Variants in ARMH4 observed in about 807,000 individuals in gnomAD.
ARMH4 encodes armadillo like helical domain containing 4.
ARMH4 carries 49 observed loss-of-function variants against 61.9 expected under a neutral mutation model. The observed-to-expected ratio is 0.79, with a 90% confidence interval of 0.63 to 1.00. The LOEUF (loss-of-function observed/expected upper bound fraction) is 1.00. ARMH4 is among the 50% of genes least tolerant of loss of function. The pLI is 0.00. For missense variants in ARMH4, 934 were observed against 930.0 expected, an observed-to-expected ratio of 1.00 and a Z score of -0.06; for synonymous variants, 368 against 341.5, an observed-to-expected ratio of 1.08 and a Z score of -0.85.
chr14:58,101,427 G>A (rs565040064), intron 4 of ARMH4: 1 of 152,390 alleles, frequency 6.6e-6, no homozygotes, highest in East Asian at 1.9e-4. Context: ...GATTTTCACA[G>A]AAGTGATGAG....
At position 58,127,592 on chromosome 14, in the gene ARMH4, T is replaced by C. The variant is rs147075270; in HGVS notation, c.1831+3920A>G. Among the ~76,000 whole-genome samples the C allele has an allele frequency of 2.7e-3, 405 of 152,308 alleles. 1 individual carries two copies. The Middle Eastern group carries it at 0.031, about 12-fold the overall frequency. ...GGGTTGAGACAATATCATGGGATTA[T>C]ACGCAACACTCAACATGCATGCCCA... On this transcript the variant is annotated intron_variant, in intron 4 of 7. Transcript: ENST00000267485.
At chr14:58,017,522 C>A (rs1882658849) in intron 5 of ARMH4, among the ~76,000 whole-genome samples, 1 of 151,768 alleles carries the variant, frequency 6.6e-6, no homozygotes, top group Non-Finnish European at 1.5e-5. Context: ...ATCAAGAAAA[C>A]AATTCCATTC....
In ARMH4 at chr14:58,044,269, A is replaced by G. The variant is rs534462115; in HGVS notation, c.2090-32119T>C. On this transcript the variant is annotated intron_variant, in intron 5 of 7. Coordinates refer to ENST00000267485, the MANE Select transcript of ARMH4 (RefSeq NM_001001872.4). ...ACGGTACTGGTACCAAAACAGAGAT[A>G]TAGACCAATGGAACAGAATAGAGCC... Among the ~76,000 whole-genome samples the G allele has an allele frequency of 6.0e-3, 916 of 152,358 alleles. 6 individuals carry two copies. The highest frequency in any genetic ancestry group is 1.0e-2 in the Non-Finnish European group (677 of 68,028).
chr14:58,012,396 T>TC (rs1239105452), intron 5 of ARMH4, among the ~76,000 whole-genome samples: 1 of 152,204 alleles, frequency 6.6e-6, no homozygotes, highest in African/African-American at 2.4e-5. Flanking sequence ...AAATGTTTTT[T>TC]CTATTATTAT....
chr14:58,104,168 A>G (rs1329001910), intron 4 of ARMH4, among the ~76,000 whole-genome samples: 1 of 152,164 alleles, frequency 6.6e-6, no homozygotes, highest in Non-Finnish European at 1.5e-5. Flanking sequence ...CTCTGCCCTG[A>G]AATGTCCAAC....
intron 5 of ARMH4, among the ~76,000 whole-genome samples, chr14:58,076,714 G>T (rs957108769): frequency 2.0e-5 from 3 of 152,142 alleles, no homozygotes; most frequent in African/African-American, 7.2e-5. Flanking sequence ...AAAGGTGGTA[G>T]GAACTTGATC....
intron 1 of ARMH4, chr14:58,141,558 G>C: frequency 1.9e-6 from 1 of 513,250 alleles, no homozygotes; most frequent in South Asian, 1.5e-5. Flanking sequence ...ACTGCGACGA[G>C]ATGATCTGCT....
intron 5 of ARMH4, among the ~76,000 whole-genome samples, chr14:58,030,887 C>T (rs1019905483): frequency 1.3e-5 from 2 of 152,158 alleles, no homozygotes; most frequent in East Asian, 3.9e-4. Context: ...AATGGACACT[C>T]GGGGTACCTC....
intron 5 of ARMH4, among the ~76,000 whole-genome samples, chr14:58,053,291 T>C (rs2141203229): frequency 6.6e-6 from 1 of 152,348 alleles, no homozygotes; most frequent in African/African-American, 2.4e-5. Context: ...TTATGTGCCA[T>C]TCCATGGCAC....
chr14:58,138,624 A>AT lies in ARMH4; in HGVS notation c.734_735insA (p.Ser245ArgfsTer2). On this transcript the variant is annotated frameshift_variant, in exon 2 of 8. Coordinates refer to ENST00000267485, the MANE Select transcript of ARMH4 (RefSeq NM_001001872.4). LOFTEE classifies it high-confidence loss of function. ...TATCAGGGGTGAGGCTTCCAGGCTC[A>AT]CTGCCTGCTGTGGACTCAGCACCAG... The AT allele has an allele frequency of 1.9e-6, 3 of 1,614,178 alleles. No homozygotes were observed. The highest frequency in any genetic ancestry group is 2.5e-6 in the Non-Finnish European group (3 of 1,180,022).
chr14:58,112,931 T>C (rs981882008), intron 4 of ARMH4, among the ~76,000 whole-genome samples: 3 of 152,226 alleles, frequency 2.0e-5, no homozygotes, highest in African/African-American at 7.2e-5. Flanking sequence ...TTTGTCTTCA[T>C]TGTTCTTTCA....
At chr14:58,119,610 C>T (rs559716725) in intron 4 of ARMH4, among the ~76,000 whole-genome samples, 23 of 152,266 alleles carry the variant, frequency 1.5e-4, no homozygotes, top group Admixed American at 9.2e-4. Flanking sequence ...GGAGTCTGTG[C>T]CCAGATTAAA....
rs563674954 is a variant in ARMH4, at chr14:58,058,264, T to A, written c.2089+38460A>T. Among the ~76,000 whole-genome samples the A allele has an allele frequency of 1.2e-4, 18 of 152,322 alleles. 1 individual carries two copies. In the South Asian group the frequency reaches 3.5e-3, roughly 30 times the overall value. ...TACCTAACGTAACATAAATGCCATG[T>A]AAATAGTTGTTATATTATTTAGGGA... is the stretch of plus-strand genomic sequence containing the variant. On this transcript the variant is annotated intron_variant, in intron 5 of 7. Transcript: ENST00000267485.
intron 2 of ARMH4, among the ~76,000 whole-genome samples, chr14:58,135,958 G>A (rs947037305): frequency 4.6e-5 from 7 of 151,676 alleles, no homozygotes; most frequent in African/African-American, 1.2e-4. Flanking sequence ...AAAAAAAAAA[G>A]TAAAACAAAA....
At chr14:58,133,050 T>TCC (rs780733063) in intron 3 of ARMH4, 40 bp downstream of exon 3, 1 of 1,607,772 alleles carries the variant, frequency 6.2e-7, no homozygotes, top group East Asian at 2.2e-5. Context: ...ACAGAAGAGA[T>TCC]CCACCCCCAA....
At chr14:58,144,087 T>TA (rs1166122326) in intron 1 of ARMH4, among the ~76,000 whole-genome samples, 2 of 152,054 alleles carry the variant, frequency 1.3e-5, no homozygotes, top group Non-Finnish European at 2.9e-5. Context: ...CTGTTCTTTT[T>TA]AAAAAAGAGA....
Position 58,076,506 on chromosome 14 carries a change from C to T in ARMH4, c.2089+20218G>A, listed in dbSNP as rs536502767. Among the ~76,000 whole-genome samples, 409 of 152,308 alleles carry T rather than the reference C, an allele frequency of 2.7e-3. 2 individuals carry two copies. The highest frequency in any genetic ancestry group is 0.026 in the South Asian group (123 of 4,818). ...AAAAGAAGAAAACAGAGGTCTGCTGCCTGAATGCAGTAGCAGATCCCAAAC... is the reference window on the plus strand; with the variant it reads ...AAAAGAAGAAAACAGAGGTCTGCTGTCTGAATGCAGTAGCAGATCCCAAAC... On this transcript the variant is annotated intron_variant, in intron 5 of 7. Transcript: ENST00000267485.
intron 5 of ARMH4, among the ~76,000 whole-genome samples, chr14:58,092,048 T>C (rs1463072830): frequency 1.3e-5 from 2 of 152,246 alleles, no homozygotes; most frequent in Non-Finnish European, 2.9e-5. Context: ...AAGTCATCTA[T>C]GTTCCTGCTC....
At chr14:58,029,514 G>C (rs993128440) in intron 5 of ARMH4, among the ~76,000 whole-genome samples, 1 of 152,134 alleles carries the variant, frequency 6.6e-6, no homozygotes, top group Admixed American at 6.5e-5. Context: ...GATTACAGGT[G>C]TGAGCCACCG....
Sources: gnomAD v4.1 joint callset for allele counts (sites outside exome capture counted in the v4.1 genomes callset) on GRCh38, gnomAD v4.1.1 for gene constraint, MANE v1.5 for transcripts, NCBI Gene and HGNC (gene_info 2026-07-23, HGNC 2026-07-21) for gene names.